The following DIP2C variants were observed in gnomAD, a reference collection of about 807,000 sequenced individuals.
DIP2C encodes disco-interacting protein 2 homolog C.
DIP2C carries 33 observed loss-of-function variants against 192.4 expected under a neutral mutation model. The ratio of observed to expected loss-of-function variants is 0.17; its 90% CI spans 0.13 to 0.23. The LOEUF is 0.23. Ranked by LOEUF, DIP2C falls within the 10% of genes least tolerant of loss-of-function variation. DIP2C has a pLI of 1.00. For synonymous variants in DIP2C, 979 were observed against 864.1 expected, an observed-to-expected ratio of 1.13 and a Z score of -2.33; for missense variants, 1,537 against 2,110.1, an observed-to-expected ratio of 0.73 and a Z score of 5.32.
intron 1 of DIP2C, among the ~76,000 whole-genome samples, chr10:488,783 A>G (rs1844209603): frequency 6.6e-6 from 1 of 152,186 alleles, no homozygotes. Context: ...TTCATGGTTT[A>G]TTTGTAACAC....
intron 34 of DIP2C, among the ~76,000 whole-genome samples, chr10:285,356 T>C (rs1182954907): frequency 1.3e-5 from 2 of 152,186 alleles, no homozygotes; most frequent in Non-Finnish European, 2.9e-5. Flanking sequence ...GCCTCCCACA[T>C]GTGCTGCTGG....
intron 3 of DIP2C, among the ~76,000 whole-genome samples, chr10:442,329 C>G (rs1260946083): frequency 6.6e-6 from 1 of 152,096 alleles, no homozygotes; most frequent in Non-Finnish European, 1.5e-5. Flanking sequence ...CATCACACTG[C>G]TTGGTCTTGG....
At chr10:595,204 A>G (rs547887919) in intron 1 of DIP2C, among the ~76,000 whole-genome samples, 1 of 152,302 alleles carries the variant, frequency 6.6e-6, no homozygotes, top group Non-Finnish European at 1.5e-5. Flanking sequence ...CAAAGAAAAT[A>G]CTGTACAGCC....
chr10:366,502 A>ACGCG, intron 18 of DIP2C, 91 bp from the exon 19 acceptor site: 1 of 1,567,084 alleles, frequency 6.4e-7, no homozygotes, highest in Non-Finnish European at 8.7e-7. Context: ...GAACGACACC[A>ACGCG]GTGAACAGGA....
Position 679,797 on chromosome 10 carries a change from C to T in DIP2C, c.85+9697G>A, listed in dbSNP as rs151104481. On this transcript the variant is annotated intron_variant, in intron 1 of 36. Coordinates refer to ENST00000280886, the MANE Select transcript of DIP2C (RefSeq NM_014974.3). ...CGTGCTCCCCGCACTGCGTTCCCTG[C>T]GCCCATATCTGCTCCTCGAGCTCCC... Among the ~76,000 whole-genome samples the T allele has an allele frequency of 4.0e-3, 610 of 152,280 alleles. 4 individuals carry two copies. The highest frequency in any genetic ancestry group is 5.5e-3 in the African/African-American group (230 of 41,542).
chr10:593,314 A>AC (rs766562244), intron 1 of DIP2C, among the ~76,000 whole-genome samples: 1 of 152,080 alleles, frequency 6.6e-6, no homozygotes, highest in Non-Finnish European at 1.5e-5. Context: ...GCCCAGTGTA[A>AC]CCCTAAGTCC....
chr10:329,493 G>A lies in DIP2C; in HGVS notation c.3693C>T (p.Cys1231=). Reference sequence around the variant, plus strand: ...TGCACAGCTCCATCACGGAGTAGGAGCAAAACGTGTCTCGGACTTTGTACT... The same window carrying A: ...TGCACAGCTCCATCACGGAGTAGGAACAAAACGTGTCTCGGACTTTGTACT... The part of the protein sequence containing the change: ...VSQYKVRDTF[C]SYSVMELCTK... Residue 1231 remains cysteine, a synonymous_variant, in exon 30 of 37, where the codon TGC becomes TGT. Coordinates refer to ENST00000280886, the MANE Select transcript of DIP2C (RefSeq NM_014974.3). 3 of 1,614,224 alleles carry A rather than the reference G, an allele frequency of 1.9e-6. No individual in the cohort carries two copies. Among genetic ancestry groups the A allele is most frequent in the Non-Finnish European group, 1.7e-6 (2 of 1,180,038 alleles).
At chr10:378,163 T>A (rs1326471574) in intron 17 of DIP2C, among the ~76,000 whole-genome samples, 2 of 152,066 alleles carry the variant, frequency 1.3e-5, no homozygotes, top group African/African-American at 4.8e-5. Flanking sequence ...ACTCTAAAAC[T>A]AACATCGGGA....
chr10:452,930 C>G (rs920015527), intron 3 of DIP2C, among the ~76,000 whole-genome samples: 1 of 152,214 alleles, frequency 6.6e-6, no homozygotes. Flanking sequence ...CCTGGCCAGT[C>G]TGAGGCCCCA....
In DIP2C at chr10:283,424, T is replaced by C. The variant is rs148820305; in HGVS notation, c.4142A>G (p.Asn1381Ser). The C allele has an allele frequency of 2.5e-6, 4 of 1,614,080 alleles. No individual in the cohort carries two copies. The highest frequency in any genetic ancestry group is 3.3e-4 in the Middle Eastern group (2 of 6,084). ...LGEIWVHSAH[N>S]ASGYFTIYGD... ...GTAAATAGTGAAATAACCGCTGGCA[T>C]TGTGGGCACTGTGAACCCAAATCTG... The change falls in exon 35 of 37, where the codon AAT (asparagine) becomes AGT (serine). Residue 1381 changes from asparagine to serine, a missense_variant. Asn to Ser is a conservative substitution (Grantham distance 46, BLOSUM62 1). Transcript: ENST00000280886.
intron 1 of DIP2C, among the ~76,000 whole-genome samples, chr10:506,830 C>T (rs764322754): frequency 6.6e-6 from 1 of 152,234 alleles, no homozygotes; most frequent in Non-Finnish European, 1.5e-5. Context: ...GGTCCTGCAC[C>T]CGCCAGCTGT....
At chr10:407,112 C>T (rs1463960432) in intron 9 of DIP2C, among the ~76,000 whole-genome samples, 1 of 152,192 alleles carries the variant, frequency 6.6e-6, no homozygotes, top group Non-Finnish European at 1.5e-5. Flanking sequence ...CCCGCACAGC[C>T]AGCTCTGCGT....
intron 29 of DIP2C, among the ~76,000 whole-genome samples, chr10:331,118 C>T (rs571820315): frequency 1.8e-4 from 27 of 152,056 alleles, no homozygotes; most frequent in African/African-American, 3.9e-4. Context: ...AAGAGGCCTA[C>T]GCAAAATTTT....
At chr10:321,618 A>C (rs1163639955) in intron 31 of DIP2C, among the ~76,000 whole-genome samples, 6 of 134,266 alleles carry the variant, frequency 4.5e-5, no homozygotes, top group African/African-American at 1.2e-4. Context: ...TAGAACAGTC[A>C]GTCGGGGGTG....
chr10:451,997 G>A (rs377402570), intron 3 of DIP2C, among the ~76,000 whole-genome samples: 2 of 151,960 alleles, frequency 1.3e-5, no homozygotes, highest in South Asian at 2.1e-4. Context: ...AGCTCAGGGC[G>A]ACACAAGGAG....
At chr10:528,921 C>A (rs1847217889) in intron 1 of DIP2C, among the ~76,000 whole-genome samples, 1 of 152,222 alleles carries the variant, frequency 6.6e-6, no homozygotes, top group Admixed American at 6.5e-5. Context: ...ACCTAAATAA[C>A]ACGCAAGAAA....
chr10:487,950 C>G (rs1175157664), intron 1 of DIP2C, among the ~76,000 whole-genome samples: 1 of 152,182 alleles, frequency 6.6e-6, no homozygotes, highest in Non-Finnish European at 1.5e-5. Context: ...CCGGGCACTC[C>G]ACACCGGCAG....
chr10:406,318 C>T (rs879666676), intron 9 of DIP2C, among the ~76,000 whole-genome samples: 9 of 152,214 alleles, frequency 5.9e-5, no homozygotes, highest in Non-Finnish European at 8.8e-5. Context: ...ATACAACTGC[C>T]ACCACCAGCC....
chr10:435,956 C>T (rs1399892948), intron 4 of DIP2C, among the ~76,000 whole-genome samples: 2 of 150,786 alleles, frequency 1.3e-5, no homozygotes, highest in African/African-American at 2.5e-5. Flanking sequence ...ACTTTGTAGC[C>T]TCATATATAT....
Sources: allele counts gnomAD v4.1 joint callset (sites outside exome capture counted in the v4.1 genomes callset), GRCh38; gene constraint gnomAD v4.1.1; transcripts MANE v1.5; gene names NCBI Gene and HGNC (gene_info 2026-07-23, HGNC 2026-07-21).